Variants in NFIA observed in about 807,000 individuals in gnomAD.
NFIA encodes nuclear factor 1 A-type.
Under a neutral mutation model 62.8 loss-of-function variants are expected in NFIA, and 8 were observed. The observed-to-expected ratio is 0.13, with a 90% confidence interval of 0.07 to 0.23. The LOEUF (loss-of-function observed/expected upper bound fraction) is 0.23. NFIA is among the 10% of genes least tolerant of loss of function. The pLI is 1.00. For synonymous variants in NFIA, 235 were observed against 238.1 expected, an observed-to-expected ratio of 0.99 and a Z score of 0.12; for missense variants, 410 against 642.1, an observed-to-expected ratio of 0.64 and a Z score of 3.91.
At chr1:61,086,556 C>T (rs1646222479) in intron 1 of NFIA, among the ~76,000 whole-genome samples, 2 of 152,154 alleles carry the variant, frequency 1.3e-5, no homozygotes, top group South Asian at 4.1e-4. Context: ...TGAAAAAGAG[C>T]AGTTTTGAAA....
intron 2 of NFIA, chr1:61,253,644 C>T (rs1271457211): frequency 2.0e-5 from 3 of 152,162 alleles, no homozygotes; most frequent in Admixed American, 1.3e-4. Flanking sequence ...AGGAAGAGAA[C>T]AGAATTGCTT....
At chr1:61,360,893 G>A (rs974016162) in intron 6 of NFIA, among the ~76,000 whole-genome samples, 3 of 152,192 alleles carry the variant, frequency 2.0e-5, no homozygotes, top group African/African-American at 7.2e-5. Context: ...ATGCAAAAAT[G>A]TCTCTTTGCT....
At chr1:61,189,877 A>G (rs1216516193) in intron 2 of NFIA, among the ~76,000 whole-genome samples, 1 of 152,136 alleles carries the variant, frequency 6.6e-6, no homozygotes, top group Admixed American at 6.6e-5. Flanking sequence ...CTTACTGATG[A>G]ATGGACTGGG....
chr1:61,083,371 C>T (rs1259197922), intron 1 of NFIA, among the ~76,000 whole-genome samples: 2 of 152,140 alleles, frequency 1.3e-5, no homozygotes, highest in Non-Finnish European at 2.9e-5. Context: ...GCCTGCGCTG[C>T]CGCAGCCCCC....
chr1:61,089,695 C>CTTTTTCTT (rs1646283451), intron 2 of NFIA, among the ~76,000 whole-genome samples: 1 of 107,750 alleles, frequency 9.3e-6, no homozygotes, highest in African/African-American at 3.5e-5. Flanking sequence ...GTTTTTTTTT[C>CTTTTTCTT]TTTTTTTTTT....
rs147394053 is a variant in NFIA, at chr1:61,351,229, G to A, written c.701-1221G>A. ...ACCTGTAGCTCTATCAGATGACTTC[G>A]CAGACTTTTAAAAAATTAATCTGTC... is the stretch of plus-strand genomic sequence containing the variant. On this transcript the variant is annotated intron_variant, in intron 4 of 10. Transcript: ENST00000403491. 3.3e-3 allele frequency among the ~76,000 whole-genome samples: 504 copies of A among 152,232 alleles called. 5 individuals are homozygous for A. Among genetic ancestry groups the A allele is most frequent in the African/African-American group, 0.012 (482 of 41,546 alleles).
upstream of NFIA, among the ~76,000 whole-genome samples, chr1:61,081,330 C>T (rs1054066587): frequency 1.3e-5 from 2 of 151,656 alleles, no homozygotes; most frequent in Non-Finnish European, 2.9e-5. Context: ...TCTTTTCTGC[C>T]AAAACAATAC....
chr1:61,081,755 C>G (rs899604713), upstream of NFIA: 16 of 977,480 alleles, frequency 1.6e-5, no homozygotes, highest in Non-Finnish European at 2.2e-5. Context: ...TCACCACCCC[C>G]GCTTCTGAAT....
chr1:61,116,546 T>C (rs1557576670), intron 2 of NFIA, among the ~76,000 whole-genome samples: 1 of 152,204 alleles, frequency 6.6e-6, no homozygotes, highest in Non-Finnish European at 1.5e-5. Context: ...CGATGGTCTG[T>C]TATCTTGTGG....
intron 3 of NFIA, among the ~76,000 whole-genome samples, chr1:61,330,168 A>G (rs1661215700): frequency 6.6e-6 from 1 of 152,178 alleles, no homozygotes; most frequent in South Asian, 2.1e-4. Context: ...CCTGTGGGCT[A>G]TCTGGATGGA....
At chr1:61,283,581 CAAAAAAAA>C (rs576613886) in intron 3 of NFIA, among the ~76,000 whole-genome samples, 64 of 36,690 alleles carry the variant, frequency 1.7e-3, no homozygotes, top group South Asian at 5.0e-3. Flanking sequence ...GACTCTGTCT[CAAAAAAAA>C]AAAAAAAAAA....
At chr1:61,144,410 G>A (rs1570256245) in intron 2 of NFIA, among the ~76,000 whole-genome samples, 1 of 152,194 alleles carries the variant, frequency 6.6e-6, no homozygotes, top group Non-Finnish European at 1.5e-5. Flanking sequence ...CCAGACTACC[G>A]TGTGTGTGTA....
intron 4 of NFIA, among the ~76,000 whole-genome samples, chr1:61,343,006 A>G (rs1662011760): frequency 6.6e-6 from 1 of 152,268 alleles, no homozygotes; most frequent in Non-Finnish European, 1.5e-5. Flanking sequence ...CCTGGCATGT[A>G]ATAAATGCTC....
At chr1:61,319,835 A>ACACACACACACACACACC in intron 3 of NFIA, among the ~76,000 whole-genome samples, 1 of 141,076 alleles carries the variant, frequency 7.1e-6, no homozygotes, top group African/African-American at 2.6e-5. Context: ...ACACACACAC[A>ACACACACACACACACACC]CCAACTTTCA....
chr1:61,160,346 G>T (rs1330507461), intron 2 of NFIA, among the ~76,000 whole-genome samples: 3 of 152,182 alleles, frequency 2.0e-5, no homozygotes, highest in Admixed American at 1.3e-4. Context: ...CAGAAACTCT[G>T]GGAATGCAGT....
At chr1:61,093,285 G>A (rs1646352249) in intron 2 of NFIA, among the ~76,000 whole-genome samples, 1 of 151,856 alleles carries the variant, frequency 6.6e-6, no homozygotes, top group African/African-American at 2.4e-5. Flanking sequence ...TACTTCCTGT[G>A]ATTTGTAATT....
intron 3 of NFIA, among the ~76,000 whole-genome samples, chr1:61,318,812 T>C (rs1192851348): frequency 6.6e-6 from 1 of 152,186 alleles, no homozygotes; most frequent in Non-Finnish European, 1.5e-5. Flanking sequence ...AGGTTGGTTT[T>C]TGCCCGACTC....
chr1:61,137,796 G>C (rs1647228250), intron 2 of NFIA, among the ~76,000 whole-genome samples: 2 of 152,162 alleles, frequency 1.3e-5, no homozygotes, highest in Admixed American at 1.3e-4. Context: ...GGTTGATTAT[G>C]ATCCTCTTGC....
chr1:61,107,436 A>G (rs114541492), intron 2 of NFIA, among the ~76,000 whole-genome samples: 3,789 of 146,206 alleles, frequency 0.026, 76 homozygotes, highest in Non-Finnish European at 0.041. Flanking sequence ...TACTAATGAG[A>G]CTAAACATCT....
Sources: gnomAD v4.1 joint callset for allele counts (sites outside exome capture counted in the v4.1 genomes callset) on GRCh38, gnomAD v4.1.1 for gene constraint, MANE v1.5 for transcripts, NCBI Gene and HGNC (gene_info 2026-07-23, HGNC 2026-07-21) for gene names.